Variants in KDM3B observed in about 807,000 individuals in gnomAD.
KDM3B encodes lysine demethylase 3B, also known as lysine-specific demethylase 3B.
Under a neutral mutation model 170.0 loss-of-function variants are expected in KDM3B, and 10 were observed. That is an observed-to-expected ratio of 0.06 (90% CI 0.04 to 0.10). The LOEUF (loss-of-function observed/expected upper bound fraction) is 0.10. KDM3B is among the 10% of genes least tolerant of loss of function. KDM3B has a pLI of 1.00. For synonymous variants in KDM3B, 831 were observed against 834.8 expected (o/e 1.00, Z 0.08); for missense variants, 1,394 against 2,195.2 (o/e 0.64, Z 7.29).
chr5:138,393,254 A>G lies in KDM3B; in HGVS notation c.2713A>G (p.Ile905Val). The stretch of plus-strand genomic sequence containing the variant: ...GCCCTTCCTGCAGGATGGGTCATGC[A>G]TCAATGTGGCACCTCATCTGCACAA... Reference protein sequence around the residue: ...GEPFLQDGSCINVAPHLHKCR... With the variant: ...GEPFLQDGSCVNVAPHLHKCR... The change falls in exon 9 of 24, where the codon ATC becomes GTC. Residue 905 changes from isoleucine to valine, a missense_variant. By Grantham distance (29) the Ile-to-Val change is conservative. Around this residue, in one of 19 missense-constraint regions of KDM3B, gnomAD observed 76 missense variants for 190.2 expected, o/e 0.40. Transcript: ENST00000314358. 6.2e-7 allele frequency: 1 copy of G among 1,614,236 alleles called. No homozygotes were observed. The highest frequency in any genetic ancestry group is 1.1e-5 in the South Asian group (1 of 91,088).
intron 11 of KDM3B, among the ~76,000 whole-genome samples, chr5:138,413,983 A>G (rs1056179390): frequency 1.3e-5 from 2 of 152,180 alleles, no homozygotes; most frequent in African/African-American, 4.8e-5. Context: ...CAGCTGATGA[A>G]TAGATAAACA....
In KDM3B at chr5:138,362,736, A is replaced by G. The variant is rs541323174; in HGVS notation, c.192+9749A>G. 2.0e-5 allele frequency among the ~76,000 whole-genome samples: 3 copies of G among 148,592 alleles called. 1 individual carries two copies. Among genetic ancestry groups the G allele is most frequent in the Middle Eastern group, 7.2e-3 (2 of 278 alleles). ...TTCTATAATTTTATAGTATAATTAT[A>G]TAATTATTTCTTTTTTATATACTTT... is the stretch of plus-strand genomic sequence containing the variant. On this transcript the variant is annotated intron_variant, in intron 1 of 23. Coordinates refer to ENST00000314358, the MANE Select transcript of KDM3B (RefSeq NM_016604.4).
chr5:138,362,049 G>A (rs1490149793), intron 1 of KDM3B, among the ~76,000 whole-genome samples: 1 of 152,166 alleles, frequency 6.6e-6, no homozygotes, highest in Non-Finnish European at 1.5e-5. Flanking sequence ...GCCGGGCGCT[G>A]TGGCTCACGC....
intron 1 of KDM3B, among the ~76,000 whole-genome samples, chr5:138,361,765 C>T (rs1480535989): frequency 1.3e-5 from 2 of 152,214 alleles, no homozygotes; most frequent in Non-Finnish European, 2.9e-5. Flanking sequence ...GAGCTACAAA[C>T]CCTATAAAGC....
chr5:138,405,753 C>G (rs1009253454), intron 11 of KDM3B, among the ~76,000 whole-genome samples: 4 of 151,924 alleles, frequency 2.6e-5, no homozygotes, highest in Non-Finnish European at 5.9e-5. Context: ...TGTTTAAAAG[C>G]AAAAATAGTA....
chr5:138,379,810 T>A, intron 5 of KDM3B, 102 bp downstream of exon 5: 1 of 1,135,790 alleles, frequency 8.8e-7, no homozygotes. Context: ...TTGGGTTTCA[T>A]CCCTGGCTCT....
chr5:138,414,342 T>C (rs936313914), intron 11 of KDM3B, among the ~76,000 whole-genome samples: 6 of 152,222 alleles, frequency 3.9e-5, no homozygotes, highest in African/African-American at 1.4e-4. Flanking sequence ...ATTTTTTGTA[T>C]TTTTAGTAGA....
intron 1 of KDM3B, among the ~76,000 whole-genome samples, chr5:138,363,758 G>T (rs1761675151): frequency 6.6e-6 from 1 of 152,144 alleles, no homozygotes; most frequent in Non-Finnish European, 1.5e-5. Flanking sequence ...TTGTTAGCCA[G>T]GATGGCCTCG....
intron 4 of KDM3B, 91 bp from the exon 5 acceptor site, chr5:138,379,493 T>G (rs1762075483): frequency 1.5e-6 from 2 of 1,308,050 alleles, no homozygotes; most frequent in Non-Finnish European, 1.0e-6. Context: ...TGCCAAATAT[T>G]TACATTATCT....
At chr5:138,356,707 A>T (rs1665957909) in intron 1 of KDM3B, among the ~76,000 whole-genome samples, 1 of 135,856 alleles carries the variant, frequency 7.4e-6, no homozygotes, top group Non-Finnish European at 1.5e-5. Context: ...CAGTGGCTCC[A>T]TCTCAGCTCA....
intron 6 of KDM3B, chr5:138,381,820 C>T: frequency 4.3e-6 from 2 of 464,046 alleles, no homozygotes; most frequent in African/African-American, 3.8e-5. Context: ...CCTAGTTCTT[C>T]TAAAGTGCAA....
chr5:138,358,671 T>C (rs1277237093), intron 1 of KDM3B, among the ~76,000 whole-genome samples: 1 of 151,996 alleles, frequency 6.6e-6, no homozygotes, highest in Non-Finnish European at 1.5e-5. Flanking sequence ...CATAGCTCAC[T>C]GCAGCCTCAA....
In KDM3B at chr5:138,352,840, G is replaced by A; in HGVS notation, c.45G>A (p.Leu15=). 2.9e-6 allele frequency: 4 copies of A among 1,363,860 alleles called. No individual in the cohort carries two copies. The highest frequency in any genetic ancestry group is 3.0e-5 in the Admixed American group (1 of 33,546). 84.5% of individuals were successfully genotyped at this position (1,363,860 alleles called of 1,614,324 possible). A position where few individuals can be genotyped will look rare whatever the true frequency, so the allele number is the denominator to read the frequency against. The part of the protein sequence containing the change: ...AASPVGKRLL[L]LFADTAASAS... ...CCCCGGTGGGCAAGCGGCTGCTGCT[G>A]CTGTTCGCGGACACTGCGGCCTCAG... is the stretch of plus-strand genomic sequence containing the variant. Residue 15 remains leucine, a synonymous_variant, in exon 1 of 24, where the codon CTG becomes CTA. Transcript: ENST00000314358.
chr5:138,406,603 A>G (rs1484570257), intron 11 of KDM3B, among the ~76,000 whole-genome samples: 1 of 152,180 alleles, frequency 6.6e-6, no homozygotes, highest in Admixed American at 6.5e-5. Flanking sequence ...GCGACATTGC[A>G]CTCTAGCCTA....
chr5:138,409,854 G>A lies in KDM3B; in HGVS notation c.3200-5278G>A, dbSNP rs556187384. On this transcript the variant is annotated intron_variant, in intron 11 of 23. Transcript: ENST00000314358. The stretch of plus-strand genomic sequence containing the variant: ...TGTAATCCTAGCGCTTCGGGAGGCC[G>A]AGGCAGGCAGATCACCTGAGGTTGG... 2.0e-4 allele frequency among the ~76,000 whole-genome samples: 31 copies of A among 152,352 alleles called. No homozygotes were observed. In the South Asian group the frequency reaches 5.8e-3, roughly 29 times the overall value.
intron 11 of KDM3B, among the ~76,000 whole-genome samples, chr5:138,404,710 T>C (rs1762773123): frequency 6.6e-6 from 1 of 152,032 alleles, no homozygotes. Flanking sequence ...GGAATGAACT[T>C]TTTTGTTTTG....
chr5:138,420,224 T>C lies in KDM3B; in HGVS notation c.3716-482T>C, dbSNP rs568528517. Among the ~76,000 whole-genome samples, 16 of 152,318 alleles carry C rather than the reference T, an allele frequency of 1.1e-4. No homozygotes were observed. In the South Asian group the frequency reaches 3.3e-3, roughly 32 times the overall value. On this transcript the variant is annotated intron_variant, in intron 14 of 23. Coordinates refer to ENST00000314358, the MANE Select transcript of KDM3B (RefSeq NM_016604.4). The stretch of plus-strand genomic sequence containing the variant: ...TTTTAACAAGCTTCTGAGATGGTTC[T>C]GTTATGCAGCCAGGGTTGAGAGCTA...
intron 1 of KDM3B, among the ~76,000 whole-genome samples, chr5:138,368,227 CTTTCTTTCTTTTTTTTT>C (rs1208487875): frequency 6.7e-6 from 1 of 149,614 alleles, no homozygotes; most frequent in African/African-American, 2.5e-5. Flanking sequence ...TCTTCTTTTT[CTTTCTTTCTTTTTTTTT>C]TTTTTGGAGA....
At chr5:138,420,140 G>A (rs1364367262) in intron 14 of KDM3B, among the ~76,000 whole-genome samples, 3 of 152,066 alleles carry the variant, frequency 2.0e-5, no homozygotes, top group African/African-American at 7.2e-5. Context: ...CACCTGCCTC[G>A]GCCTCCCAAA....
Sources: gnomAD v4.1 joint callset for allele counts (sites outside exome capture counted in the v4.1 genomes callset) on GRCh38, gnomAD v4.1.1 for gene constraint, gnomAD v4.1.1 regional missense constraint, MANE v1.5 for transcripts, NCBI Gene and HGNC (gene_info 2026-07-23, HGNC 2026-07-21) for gene names.